Variants in TSPAN16 observed in about 807,000 individuals in gnomAD.
TSPAN16 encodes the protein tetraspanin-16.
TSPAN16 carries 23 observed loss-of-function variants against 25.2 expected under a neutral mutation model. The observed-to-expected ratio is 0.91, with a 90% CI of 0.66 to 1.29. The LOEUF is 1.29. Among genes scored for constraint, TSPAN16 ranks in the 50% most tolerant of loss-of-function variants. The pLI is 0.00. For missense variants in TSPAN16, 272 were observed against 299.9 expected (o/e 0.91, Z 0.69); for synonymous variants, 123 against 124.4 (o/e 0.99, Z 0.08).
Position 11,325,253 on chromosome 19 carries a change from A to C in TSPAN16, c.688-1541A>C, listed in dbSNP as rs576246668. On this transcript the variant is annotated intron_variant, in intron 6 of 6. Transcript: ENST00000316737. Reference sequence around the variant, plus strand: ...ACCTGGCAGCCACGGCGACATTGTGAAGGAATGAGCCATGCAGGAGTCGGG... The same window carrying C: ...ACCTGGCAGCCACGGCGACATTGTGCAGGAATGAGCCATGCAGGAGTCGGG... 8.6e-5 allele frequency: 52 copies of C among 607,654 alleles called. 1 individual carries two copies. The South Asian group carries it at 1.0e-3, about 12-fold the overall frequency. The allele number at this position is 607,654 out of a possible 1,614,324, so 37.6% of individuals were successfully genotyped here. A position where few individuals can be genotyped will look rare whatever the true frequency, so the allele number is the denominator to read the frequency against.
intron 4 of TSPAN16, among the ~76,000 whole-genome samples, chr19:11,302,183 C>T (rs928137330): frequency 2.0e-5 from 3 of 151,990 alleles, no homozygotes; most frequent in Admixed American, 6.6e-5. Context: ...CATTGTTGTG[C>T]GACCATCACC....
chr19:11,310,127 A>G (rs2080674113), intron 5 of TSPAN16, among the ~76,000 whole-genome samples: 1 of 151,950 alleles, frequency 6.6e-6, no homozygotes, highest in South Asian at 2.1e-4. Flanking sequence ...CTATTATGTG[A>G]AAGGGGGCAC....
At chr19:11,307,184 A>G (rs1046625071) in intron 5 of TSPAN16, among the ~76,000 whole-genome samples, 3 of 151,874 alleles carry the variant, frequency 2.0e-5, no homozygotes, top group Non-Finnish European at 4.4e-5. Context: ...CAATGGTGCC[A>G]TCTTGGCTCA....
intron 1 of TSPAN16, among the ~76,000 whole-genome samples, chr19:11,297,852 C>A (rs1411570627): frequency 6.6e-6 from 1 of 151,696 alleles, no homozygotes; most frequent in Non-Finnish European, 1.5e-5. Flanking sequence ...AGTACAGTGG[C>A]ACAGTCATAG....
At chr19:11,304,718 G>T (rs2080606815) in intron 4 of TSPAN16, among the ~76,000 whole-genome samples, 1 of 151,736 alleles carries the variant, frequency 6.6e-6, no homozygotes, top group African/African-American at 2.4e-5. Flanking sequence ...TAGAAACGGG[G>T]TTTCACCATG....
chr19:11,305,976 A>G (rs191297113), intron 4 of TSPAN16, among the ~76,000 whole-genome samples: 59 of 152,222 alleles, frequency 3.9e-4, no homozygotes, highest in African/African-American at 1.4e-3. Flanking sequence ...TGTGAATAAA[A>G]ACAAGGCAGG....
chr19:11,320,845 A>G (rs1285762824), downstream of TSPAN16, among the ~76,000 whole-genome samples: 1 of 152,088 alleles, frequency 6.6e-6, no homozygotes, highest in Non-Finnish European at 1.5e-5. Context: ...CTACTGCTGG[A>G]AAGAACTGCC....
At chr19:11,323,809 C>T (rs1199879777) in intron 6 of TSPAN16, 3 of 152,158 alleles carry the variant, frequency 2.0e-5, no homozygotes, top group East Asian at 3.9e-4. Context: ...GAGTCAGGGA[C>T]GTGGGAACAT....
intron 4 of TSPAN16, among the ~76,000 whole-genome samples, chr19:11,306,055 G>A (rs2080622739): frequency 1.3e-5 from 2 of 152,250 alleles, no homozygotes; most frequent in African/African-American, 4.8e-5. Flanking sequence ...ATCACTTGAG[G>A]TCAGGAATTC....
chr19:11,316,118 G>GTGTGTGTGGT (rs1568295764), downstream of TSPAN16: 76 of 106,208 alleles, frequency 7.2e-4, no homozygotes, highest in East Asian at 8.7e-3. Context: ...TGTGTGTGTG[G>GTGTGTGTGGT]TTTTTTTTTT....
intron 4 of TSPAN16, among the ~76,000 whole-genome samples, chr19:11,306,129 G>T (rs549524343): frequency 6.4e-4 from 98 of 152,104 alleles, no homozygotes; most frequent in Non-Finnish European, 1.2e-3. Flanking sequence ...TTAGCCAGGC[G>T]TGGGGGCGTG....
intron 4 of TSPAN16, 155 bp from the exon 5 acceptor site, chr19:11,306,449 A>G: frequency 1.2e-6 from 1 of 841,898 alleles, no homozygotes; most frequent in Non-Finnish European, 1.8e-6. Context: ...GGAGCCAGGG[A>G]GGGTTCTGGG....
At chr19:11,307,400 A>G (rs375008735) in intron 5 of TSPAN16, among the ~76,000 whole-genome samples, 41 of 151,358 alleles carry the variant, frequency 2.7e-4, no homozygotes, top group Middle Eastern at 3.5e-3. Flanking sequence ...GATTACAGGC[A>G]TGAGCCACCA....
intron 3 of TSPAN16, among the ~76,000 whole-genome samples, chr19:11,299,368 C>A (rs1250356636): frequency 6.6e-6 from 1 of 151,994 alleles, no homozygotes; most frequent in African/African-American, 2.4e-5. Flanking sequence ...GATGGAGGGG[C>A]CCATCACACG....
chr19:11,306,554 T>C, intron 4 of TSPAN16, 50 bp from the exon 5 acceptor site: 1 of 1,608,656 alleles, frequency 6.2e-7, no homozygotes, highest in Non-Finnish European at 8.5e-7. Flanking sequence ...ATTTCTGATG[T>C]TTTTATTATT....
Position 11,296,202 on chromosome 19 carries a change from G to T in TSPAN16, c.-96G>T. 1 of 1,323,756 alleles carries T rather than the reference G, an allele frequency of 7.6e-7. No individual in the cohort carries two copies. Among genetic ancestry groups the T allele is most frequent in the South Asian group, 1.3e-5 (1 of 77,988 alleles). 82.0% of individuals were successfully genotyped at this position (1,323,756 alleles called of 1,614,324 possible). ...AGGGGCAGAGCAAGTCAGCATTGGC[G>T]CCCCTTCCTCAGATCCCTATCATCT... On this transcript the variant is annotated 5_prime_UTR_variant, in exon 1 of 7. Coordinates refer to ENST00000590327, the MANE Select transcript of TSPAN16 (RefSeq NM_001282509.2).
chr19:11,312,380 A>G (rs1192054467), intron 6 of TSPAN16, 158 bp downstream of exon 6: 1 of 441,952 alleles, frequency 2.3e-6, no homozygotes, highest in African/African-American at 2.0e-5. Flanking sequence ...CAAATCAAGC[A>G]GAAGGAAGAT....
chr19:11,319,281 C>T (rs2080764113), downstream of TSPAN16, among the ~76,000 whole-genome samples: 2 of 152,222 alleles, frequency 1.3e-5, no homozygotes, highest in South Asian at 4.1e-4. Flanking sequence ...AAGTGTTTTA[C>T]TTACTACTCC....
intron 5 of TSPAN16, among the ~76,000 whole-genome samples, chr19:11,307,567 T>C (rs919702462): frequency 3.3e-5 from 5 of 151,868 alleles, no homozygotes; most frequent in Admixed American, 1.3e-4. Context: ...CACAGGCACG[T>C]GCCACCATGC....
Sources: gnomAD v4.1 joint callset for allele counts (sites outside exome capture counted in the v4.1 genomes callset) on GRCh38, gnomAD v4.1.1 for gene constraint, MANE v1.5 for transcripts, NCBI Gene and HGNC (gene_info 2026-07-23, HGNC 2026-07-21) for gene names.